LRRC37A2: variants seen among roughly 807,000 people sequenced by gnomAD.
LRRC37A2 encodes leucine rich repeat containing 37 member A2.
Under a neutral mutation model 68.8 loss-of-function variants are expected in LRRC37A2, and 9 were observed. The observed-to-expected ratio is 0.13, with a 90% CI of 0.08 to 0.23. The LOEUF (loss-of-function observed/expected upper bound fraction) is 0.23, where lower values mean the gene tolerates loss of function less well. Ranked by LOEUF, LRRC37A2 falls within the 10% of genes least tolerant of loss-of-function variation. The pLI is 1.00. For missense variants in LRRC37A2, 168 were observed against 950.4 expected, an observed-to-expected ratio of 0.18 and a Z score of 10.82; for synonymous variants, 63 against 367.6, an observed-to-expected ratio of 0.17 and a Z score of 9.48.
the LRRC37A2 span, among the ~76,000 whole-genome samples, chr17:46,815,728 T>C: frequency 1.3e-5 from 2 of 152,164 alleles, no homozygotes; most frequent in Non-Finnish European, 2.9e-5. Context: ...CAGGACAAGC[T>C]GGTGTCAAGG....
the LRRC37A2 span, chr17:46,757,232 T>C: frequency 6.6e-6 from 1 of 152,518 alleles, no homozygotes; most frequent in Non-Finnish European, 1.5e-5. Context: ...GCTTATTTTG[T>C]GGCTTTTAAA....
At chr17:46,996,879 A>T in the LRRC37A2 span, among the ~76,000 whole-genome samples, 3 of 152,162 alleles carry the variant, frequency 2.0e-5, no homozygotes, top group Non-Finnish European at 1.5e-5. Context: ...TGCTGGTGAC[A>T]GTTCCTTCAG....
the LRRC37A2 span, among the ~76,000 whole-genome samples, chr17:46,878,585 C>A: frequency 6.6e-6 from 1 of 152,350 alleles, no homozygotes; most frequent in East Asian, 1.9e-4. Context: ...CTCCTTTCTT[C>A]CACTTCCCCA....
At chr17:46,385,250 A>C in the LRRC37A2 span, among the ~76,000 whole-genome samples, 4 of 78,478 alleles carry the variant, frequency 5.1e-5, no homozygotes, top group Admixed American at 2.6e-4. Flanking sequence ...TGGGGATATT[A>C]TGATTCTTGA....
chr17:46,768,596 C>T, the LRRC37A2 span: 32 of 1,614,050 alleles, frequency 2.0e-5, no homozygotes, highest in African/African-American at 4.0e-5. The surrounding 1 kb of genome is among the most constrained non-coding windows in gnomAD (Gnocchi z 5.0). Context: ...GCTTGAAGAG[C>T]GAGTACTTGG....
At chr17:46,921,828 AAAC>A in the LRRC37A2 span, among the ~76,000 whole-genome samples, 1 of 152,212 alleles carries the variant, frequency 6.6e-6, no homozygotes, top group Non-Finnish European at 1.5e-5. Context: ...AAAAGTCAGG[AAAC>A]AACAGCTGCT....
chr17:46,769,427 A>G, the LRRC37A2 span, among the ~76,000 whole-genome samples: 3 of 152,202 alleles, frequency 2.0e-5, no homozygotes, highest in Non-Finnish European at 4.4e-5. Flanking sequence ...TAGATCATAC[A>G]AGCATAGTAA....
chr17:46,879,439 G>C, the LRRC37A2 span, among the ~76,000 whole-genome samples: 141 of 152,316 alleles, frequency 9.3e-4, 1 homozygote, highest in African/African-American at 3.1e-3. Flanking sequence ...CCCTTCTTCT[G>C]CTCTGGCAAA....
chr17:46,864,360 A>G, the LRRC37A2 span, among the ~76,000 whole-genome samples: 1 of 152,030 alleles, frequency 6.6e-6, no homozygotes, highest in Non-Finnish European at 1.5e-5. Flanking sequence ...CCTTCTCTTC[A>G]CATACCAGGC....
the LRRC37A2 span, among the ~76,000 whole-genome samples, chr17:46,699,207 G>GTTTT: frequency 9.4e-6 from 1 of 106,306 alleles, no homozygotes; most frequent in African/African-American, 3.6e-5. Flanking sequence ...GTTTTTTCAG[G>GTTTT]TTTTCTGAGA....
At chr17:47,037,154 G>A in the LRRC37A2 span, among the ~76,000 whole-genome samples, 1 of 149,032 alleles carries the variant, frequency 6.7e-6, no homozygotes, top group Non-Finnish European at 1.5e-5. Context: ...GCAGGGGGTG[G>A]TGGCAGGCAC....
At chr17:46,707,996 G>A in the LRRC37A2 span, among the ~76,000 whole-genome samples, 1 of 148,870 alleles carries the variant, frequency 6.7e-6, no homozygotes, top group Admixed American at 6.8e-5. Context: ...TTGTGCCACT[G>A]CACGCCAGCC....
exon 10 of LRRC37A2, chr17:46,548,920 C>G (rs1461133578): frequency 6.2e-7 from 1 of 1,612,654 alleles, no homozygotes; most frequent in Non-Finnish European, 8.5e-7. Context: ...TACCTCCAGC[C>G]CTGCAAAAGC....
At chr17:46,912,001 A>C in the LRRC37A2 span, among the ~76,000 whole-genome samples, 1 of 152,140 alleles carries the variant, frequency 6.6e-6, no homozygotes. Flanking sequence ...CCAGCCCCTC[A>C]AGTCTACACT....
At chr17:46,828,655 T>TCA in the LRRC37A2 span, among the ~76,000 whole-genome samples, 3 of 151,948 alleles carry the variant, frequency 2.0e-5, no homozygotes, top group African/African-American at 4.8e-5. Flanking sequence ...TTAAGATGCA[T>TCA]CCAGAATGTA....
the LRRC37A2 span, among the ~76,000 whole-genome samples, chr17:46,813,602 C>T: frequency 6.6e-6 from 1 of 151,900 alleles, no homozygotes; most frequent in Non-Finnish European, 1.5e-5. Context: ...AGGTTCTGCT[C>T]AACTCCTGGC....
intron 6 of LRRC37A2, among the ~76,000 whole-genome samples, chr17:46,536,994 A>C (rs2054624433): frequency 4.5e-5 from 1 of 22,412 alleles, no homozygotes; most frequent in Non-Finnish European, 6.9e-5. Flanking sequence ...TTCTTACAGA[A>C]ATTTTTTTTG....
chr17:46,551,453 C>T (rs1280760084), intron 11 of LRRC37A2, among the ~76,000 whole-genome samples: 1 of 148,492 alleles, frequency 6.7e-6, no homozygotes, highest in African/African-American at 2.6e-5. Flanking sequence ...AGCCCCTCAC[C>T]AAACCCCAGT....
the LRRC37A2 span, among the ~76,000 whole-genome samples, chr17:46,735,041 C>T: frequency 3.0e-4 from 45 of 152,296 alleles, no homozygotes; most frequent in Admixed American, 2.7e-3. Context: ...TAGAGCAAGA[C>T]TCTGTCTCTA....
Sources: allele counts gnomAD v4.1 joint callset (sites outside exome capture counted in the v4.1 genomes callset), GRCh38; gene constraint gnomAD v4.1.1; non-coding constraint Gnocchi (gnomAD v3.1); transcripts MANE v1.5; gene names NCBI Gene and HGNC (gene_info 2026-07-23, HGNC 2026-07-21).